CDH4: variants seen among roughly 807,000 people sequenced by gnomAD.
CDH4 encodes cadherin 4.
A neutral mutation model predicts 86.0 loss-of-function variants in CDH4; 33 were observed. The ratio of observed to expected loss-of-function variants is 0.38; its 90% confidence interval spans 0.29 to 0.51. CDH4 has a LOEUF of 0.51. Ranked by LOEUF, CDH4 falls within the 20% of genes least tolerant of loss-of-function variation. CDH4 has a pLI of 0.86. For synonymous variants in CDH4, 555 were observed against 549.4 expected, an observed-to-expected ratio of 1.01 and a Z score of -0.14; for missense variants, 1,114 against 1,307.4, an observed-to-expected ratio of 0.85 and a Z score of 2.28.
chr20:61,398,928 A>G (rs2085033825), intron 2 of CDH4, among the ~76,000 whole-genome samples: 1 of 152,118 alleles, frequency 6.6e-6, no homozygotes, highest in Admixed American at 6.5e-5. Context: ...TGTTGCTCTC[A>G]CATTTTCAGA....
At chr20:61,425,064 T>G (rs1386597173) in intron 2 of CDH4, among the ~76,000 whole-genome samples, 1 of 152,086 alleles carries the variant, frequency 6.6e-6, no homozygotes, top group Non-Finnish European at 1.5e-5. Context: ...GTGCCAGGCA[T>G]AGGTGGACCA....
intron 2 of CDH4, among the ~76,000 whole-genome samples, chr20:61,614,527 G>A (rs760030703): frequency 5.3e-5 from 8 of 152,096 alleles, no homozygotes; most frequent in Non-Finnish European, 7.3e-5. Flanking sequence ...CGGTGCGTGG[G>A]ACTGGCCTGC....
intron 2 of CDH4, among the ~76,000 whole-genome samples, chr20:61,652,860 G>T (rs55885339): frequency 0.024 from 3,366 of 140,376 alleles, 73 homozygotes; most frequent in Middle Eastern, 0.058. Flanking sequence ...TTTTTTTTTG[G>T]GGGGGGGATA....
intron 2 of CDH4, among the ~76,000 whole-genome samples, chr20:61,418,304 G>A (rs571418408): frequency 1.8e-4 from 27 of 150,992 alleles, no homozygotes; most frequent in Non-Finnish European, 2.9e-4. Context: ...TCCGCCTCCC[G>A]GGTTCACACC....
chr20:61,522,938 C>T (rs1393560242), intron 2 of CDH4, among the ~76,000 whole-genome samples: 1 of 152,240 alleles, frequency 6.6e-6, no homozygotes, highest in African/African-American at 2.4e-5. Flanking sequence ...AAGCTGCCGA[C>T]ACGCAGGTGC....
intron 2 of CDH4, among the ~76,000 whole-genome samples, chr20:61,693,919 G>C (rs2087689050): frequency 8.6e-6 from 1 of 115,864 alleles, no homozygotes; most frequent in South Asian, 2.8e-4. Flanking sequence ...TTGAGACAGA[G>C]TCTTGCTCTG....
At chr20:61,324,312 C>T (rs2084525448) in intron 2 of CDH4, among the ~76,000 whole-genome samples, 1 of 152,108 alleles carries the variant, frequency 6.6e-6, no homozygotes, top group Non-Finnish European at 1.5e-5. Context: ...CCTGGGGCTG[C>T]CACAACAAAT....
intron 2 of CDH4, among the ~76,000 whole-genome samples, chr20:61,566,319 G>C (rs1465128760): frequency 6.6e-6 from 1 of 152,214 alleles, no homozygotes; most frequent in African/African-American, 2.4e-5. Context: ...TTCTTCCAAA[G>C]GTTTTGAAAG....
chr20:61,690,794 C>A (rs187312267), intron 2 of CDH4, among the ~76,000 whole-genome samples: 10 of 152,200 alleles, frequency 6.6e-5, no homozygotes, highest in Admixed American at 5.9e-4. Context: ...GATGGCATAG[C>A]CTTCCTGAAG....
chr20:61,457,364 G>C (rs2085412990), intron 2 of CDH4, among the ~76,000 whole-genome samples: 1 of 152,198 alleles, frequency 6.6e-6, no homozygotes, highest in South Asian at 2.1e-4. Context: ...AAAGACACTA[G>C]GATAGAGAGA....
intron 4 of CDH4, among the ~76,000 whole-genome samples, chr20:61,830,163 G>GC (rs1177554081): frequency 1.1e-5 from 1 of 94,468 alleles, no homozygotes; most frequent in Non-Finnish European, 2.0e-5. Flanking sequence ...GGAGCCCCCC[G>GC]CCCCCAGGTG....
intron 2 of CDH4, among the ~76,000 whole-genome samples, chr20:61,657,376 A>T (rs562525739): frequency 6.6e-6 from 1 of 152,260 alleles, no homozygotes; most frequent in African/African-American, 2.4e-5. Context: ...CACTTCGCAG[A>T]TGTATCTTTG....
At chr20:61,398,673 G>A (rs577775851) in intron 2 of CDH4, among the ~76,000 whole-genome samples, 46 of 152,302 alleles carry the variant, frequency 3.0e-4, no homozygotes, top group Non-Finnish European at 6.2e-4. Context: ...CCATGTCTAC[G>A]AACTGAATTG....
chr20:61,416,618 T>C (rs2085148461), intron 2 of CDH4, among the ~76,000 whole-genome samples: 2 of 152,232 alleles, frequency 1.3e-5, no homozygotes, highest in African/African-American at 2.4e-5. Flanking sequence ...TCAGGTATTT[T>C]ACATGGTTTT....
chr20:61,682,363 T>C (rs972974881), intron 2 of CDH4, among the ~76,000 whole-genome samples: 7 of 135,538 alleles, frequency 5.2e-5, no homozygotes, highest in Non-Finnish European at 1.1e-4. Flanking sequence ...AATGGATGGA[T>C]GGATGGATGG....
intron 2 of CDH4, among the ~76,000 whole-genome samples, chr20:61,350,845 C>G (rs1233651307): frequency 6.6e-6 from 1 of 151,018 alleles, no homozygotes; most frequent in African/African-American, 2.4e-5. Flanking sequence ...ATTATGATTC[C>G]ATGAGCATGT....
chr20:61,355,356 A>G (rs1042834835), intron 2 of CDH4, among the ~76,000 whole-genome samples: 14 of 152,180 alleles, frequency 9.2e-5, no homozygotes, highest in Non-Finnish European at 1.9e-4. Context: ...CCAGTCATCC[A>G]TGGGGATTTA....
chr20:61,284,433 C>G (rs750670236), intron 2 of CDH4, among the ~76,000 whole-genome samples: 1 of 152,184 alleles, frequency 6.6e-6, no homozygotes, highest in Non-Finnish European at 1.5e-5. Flanking sequence ...ACTGGGGCAT[C>G]GGACATCTCT....
At position 61,417,772 on chromosome 20, in the gene CDH4, C is replaced by G. The variant is rs970856020; in HGVS notation, c.169+162835C>G. On this transcript the variant is annotated intron_variant, in intron 2 of 15. Transcript: ENST00000614565. The surrounding 1 kb of genome is among the most constrained non-coding windows in gnomAD (Gnocchi z 4.0). Reference sequence around the variant, plus strand: ...AGGAGCCTTGACCTGACAAGGTCCTCGAGGCCAGGCGAGGTCTCAGGAAGT... The same window carrying G: ...AGGAGCCTTGACCTGACAAGGTCCTGGAGGCCAGGCGAGGTCTCAGGAAGT... Among the ~76,000 whole-genome samples, 1 of 152,030 alleles carries G rather than the reference C, an allele frequency of 6.6e-6. No homozygotes were observed. Among genetic ancestry groups the G allele is most frequent in the African/African-American group, 2.4e-5 (1 of 41,396 alleles).
Sources: allele counts gnomAD v4.1 joint callset (sites outside exome capture counted in the v4.1 genomes callset), GRCh38; gene constraint gnomAD v4.1.1; non-coding constraint Gnocchi (gnomAD v3.1); transcripts MANE v1.5; gene names NCBI Gene and HGNC (gene_info 2026-07-23, HGNC 2026-07-21).